Variants in FARP2 observed in about 807,000 individuals in gnomAD.
FARP2 encodes the protein FERM, ARHGEF and pleckstrin domain-containing protein 2.
FARP2 carries 111 observed loss-of-function variants against 130.5 expected under a neutral mutation model. The observed-to-expected ratio is 0.85, with a 90% CI of 0.73 to 1.00. The LOEUF is 1.00. Ranked by LOEUF, FARP2 falls within the 50% of genes least tolerant of loss-of-function variation. The pLI, the probability that FARP2 is intolerant of heterozygous loss-of-function variation, is 0.00. For missense variants in FARP2, 1,385 were observed against 1,346.3 expected (o/e 1.03, Z -0.45); for synonymous variants, 504 against 516.9 (o/e 0.98, Z 0.34).
chr2:241,377,155 T>A (rs959708428), intron 2 of FARP2, among the ~76,000 whole-genome samples: 2 of 152,170 alleles, frequency 1.3e-5, no homozygotes, highest in African/African-American at 4.8e-5. Context: ...TAAACAGTAG[T>A]GTTCTTCCAG....
intron 2 of FARP2, chr2:241,387,089 C>T (rs770174123): frequency 6.6e-6 from 1 of 152,164 alleles, no homozygotes; most frequent in Non-Finnish European, 1.5e-5. Context: ...GTTGAGCGTT[C>T]GCCACATTCT....
At chr2:241,440,132 A>G (rs191210105) in intron 12 of FARP2, among the ~76,000 whole-genome samples, 2 of 152,206 alleles carry the variant, frequency 1.3e-5, no homozygotes, top group African/African-American at 4.8e-5. Context: ...CTGAAAGCCT[A>G]GTAACTAAGC....
In FARP2 at chr2:241,378,874, T is replaced by A. The variant is rs146165175; in HGVS notation, c.183+5584T>A. Among the ~76,000 whole-genome samples, 48 of 152,376 alleles carry A rather than the reference T, an allele frequency of 3.2e-4. No individual in the cohort carries two copies. The East Asian group carries it at 8.3e-3, about 26-fold the overall frequency. ...CTAATCAAAGGTCAGTGACTAGTTT[T>A]TTTATCTAGGAAAGTCTTGATTTGT... On this transcript the variant is annotated intron_variant, in intron 2 of 26. Coordinates refer to ENST00000264042, the MANE Select transcript of FARP2 (RefSeq NM_014808.4).
chr2:241,436,613 G>A, intron 12 of FARP2, 75 bp downstream of exon 12: 2 of 1,140,356 alleles, frequency 1.8e-6, no homozygotes, highest in South Asian at 2.5e-5. Context: ...TGTCAGTATT[G>A]TAACAAGAGT....
Position 241,483,649 on chromosome 2 carries a change from A to G in FARP2, c.2331+116A>G, listed in dbSNP as rs536030916. On this transcript the variant is annotated intron_variant, in intron 20 of 26. Transcript: ENST00000264042. The stretch of plus-strand genomic sequence containing the variant: ...GGCCTCTGGGTAGTTTAGCACTTGG[A>G]GGCTTTGGTCCAGGTGGGTAGCGTT... 13 of 1,295,084 alleles carry G rather than the reference A, an allele frequency of 1.0e-5. No individual in the cohort carries two copies. The East Asian group carries it at 3.1e-4, about 31-fold the overall frequency. The allele number at this position is 1,295,084 out of a possible 1,614,324, so 80.2% of individuals were successfully genotyped here.
In FARP2 at chr2:241,489,860, A is replaced by T. The variant is rs2064849981; in HGVS notation, c.2422-102A>T. The T allele has an allele frequency of 7.9e-6, 6 of 757,264 alleles. No individual in the cohort carries two copies. The Middle Eastern group carries it at 1.3e-3, about 159-fold the overall frequency. The allele number at this position is 757,264 out of a possible 1,614,324, so 46.9% of individuals were successfully genotyped here. A position where few individuals can be genotyped will look rare whatever the true frequency, so the allele number is the denominator to read the frequency against. Reference sequence around the variant, plus strand: ...GCACTTGGACAGCACTGGGCTTCCAAGCCCCACCTAGCATTGCCAGCAGTC... The same window carrying T: ...GCACTTGGACAGCACTGGGCTTCCATGCCCCACCTAGCATTGCCAGCAGTC... On this transcript the variant is annotated intron_variant, in intron 21 of 26. Transcript: ENST00000264042.
intron 21 of FARP2, among the ~76,000 whole-genome samples, chr2:241,485,116 A>C (rs1355758428): frequency 6.6e-6 from 1 of 151,798 alleles, no homozygotes; most frequent in Non-Finnish European, 1.5e-5. Flanking sequence ...CCTCCCTGTC[A>C]GTGATCTTCT....
chr2:241,389,314 G>A (rs375194093), intron 2 of FARP2, among the ~76,000 whole-genome samples: 2 of 151,930 alleles, frequency 1.3e-5, no homozygotes, highest in African/African-American at 4.8e-5. Context: ...AAAACTCTTC[G>A]GACTTAAAAA....
chr2:241,412,934 G>A (rs1019514378), intron 6 of FARP2, among the ~76,000 whole-genome samples: 2 of 152,020 alleles, frequency 1.3e-5, no homozygotes, highest in Non-Finnish European at 2.9e-5. Flanking sequence ...AGGCTGAGGC[G>A]GGCAGATTGC....
intron 2 of FARP2, among the ~76,000 whole-genome samples, chr2:241,392,765 C>T (rs2061936769): frequency 6.6e-6 from 1 of 151,830 alleles, no homozygotes; most frequent in African/African-American, 2.4e-5. Context: ...CATAGTGAAG[C>T]CCTATCTCTG....
chr2:241,437,670 A>ATTTTTATTT (rs1553723711), intron 12 of FARP2, among the ~76,000 whole-genome samples: 2 of 133,122 alleles, frequency 1.5e-5, no homozygotes, highest in Admixed American at 1.8e-4. Context: ...TTATTTATTT[A>ATTTTTATTT]TTTTTTTTTT....
chr2:241,453,931 A>C (rs1170297646), intron 13 of FARP2, among the ~76,000 whole-genome samples: 2 of 142,692 alleles, frequency 1.4e-5, no homozygotes, highest in Non-Finnish European at 3.1e-5. Context: ...TTACGGGCAC[A>C]TGCCACCACA....
At chr2:241,453,360 T>TCC (rs1559785358) in intron 13 of FARP2, among the ~76,000 whole-genome samples, 29 of 147,054 alleles carry the variant, frequency 2.0e-4, no homozygotes, top group African/African-American at 7.1e-4. Flanking sequence ...CGGTGGCTCA[T>TCC]GCCTGTAATC....
intron 19 of FARP2, among the ~76,000 whole-genome samples, chr2:241,481,477 A>C (rs1165105428): frequency 6.6e-6 from 1 of 152,214 alleles, no homozygotes; most frequent in African/African-American, 2.4e-5. Flanking sequence ...GGTATTGAAA[A>C]TGTGGAACTG....
In FARP2 at chr2:241,375,117, C is replaced by G. The variant is rs1346699404; in HGVS notation, c.183+1827C>G. On this transcript the variant is annotated intron_variant, in intron 2 of 26. Transcript: ENST00000264042. ...GCCCGCCACCATGCCCAGCTTATTTCTTTTTTTGTGTTTTTGGTAGAGACG... is the reference window on the plus strand; with the variant it reads ...GCCCGCCACCATGCCCAGCTTATTTGTTTTTTTGTGTTTTTGGTAGAGACG... Among the ~76,000 whole-genome samples the G allele has an allele frequency of 2.6e-5, 4 of 151,974 alleles. No individual in the cohort carries two copies. In the East Asian group the frequency reaches 7.7e-4, roughly 29 times the overall value.
intron 21 of FARP2, chr2:241,488,658 C>T (rs2064821858): frequency 1.3e-5 from 2 of 152,280 alleles, no homozygotes; most frequent in Non-Finnish European, 2.9e-5. Context: ...CCTCGGCCTC[C>T]CAAAGTGCTG....
In FARP2 at chr2:241,434,959, C is replaced by T; in HGVS notation, c.1032-3C>T. 4 of 1,534,294 alleles carry T rather than the reference C, an allele frequency of 2.6e-6. No homozygotes were observed. The highest frequency in any genetic ancestry group is 3.6e-6 in the Non-Finnish European group (4 of 1,115,660). ...TATTAAAAATCTGAATCTTTATTCACAGTGGAAGAACTCAGAAACAACTAG... is the reference window on the plus strand; with the variant it reads ...TATTAAAAATCTGAATCTTTATTCATAGTGGAAGAACTCAGAAACAACTAG... On this transcript the variant is annotated splice_polypyrimidine_tract_variant and splice_region_variant and intron_variant, in intron 10 of 26. Coordinates refer to ENST00000264042, the MANE Select transcript of FARP2 (RefSeq NM_014808.4).
intron 14 of FARP2, among the ~76,000 whole-genome samples, chr2:241,460,662 T>A (rs1252461403): frequency 6.6e-6 from 1 of 151,632 alleles, no homozygotes; most frequent in Non-Finnish European, 1.5e-5. Context: ...AAAAAGTCAT[T>A]TTTAATATCA....
chr2:241,398,569 ATTCTT>A (rs1044988763), intron 2 of FARP2, among the ~76,000 whole-genome samples: 18 of 146,336 alleles, frequency 1.2e-4, no homozygotes, highest in African/African-American at 4.2e-4. Flanking sequence ...TTCTGTGAAC[ATTCTT>A]TTTTTTTTTT....
Sources: allele counts gnomAD v4.1 joint callset (sites outside exome capture counted in the v4.1 genomes callset), GRCh38; gene constraint gnomAD v4.1.1; transcripts MANE v1.5; gene names NCBI Gene and HGNC (gene_info 2026-07-23, HGNC 2026-07-21).